Variants in GRHL1 observed in about 807,000 individuals in gnomAD.
GRHL1 encodes the protein grainyhead like transcription factor 1, also known as grainyhead-like protein 1 homolog.
In GRHL1, 38 loss-of-function variants were observed where a neutral mutation model predicts 75.7. The observed-to-expected ratio is 0.50, with a 90% confidence interval of 0.39 to 0.66. The LOEUF (loss-of-function observed/expected upper bound fraction) is 0.66. Among genes scored for constraint, GRHL1 ranks in the 30% least tolerant of loss-of-function variants. GRHL1 has a pLI of 0.00. For synonymous variants in GRHL1, 266 were observed against 279.4 expected, an observed-to-expected ratio of 0.95 and a Z score of 0.48; for missense variants, 589 against 767.5, an observed-to-expected ratio of 0.77 and a Z score of 2.75.
rs367953571 is a variant in GRHL1, at chr2:9,958,749, A to G, written c.208-37A>G. The stretch of plus-strand genomic sequence containing the variant: ...CTTTGGGTAAACTGCACTTCACTGG[A>G]TAAGAGCTAAATTCTTTTCATGTGT... On this transcript the variant is annotated intron_variant, in intron 2 of 15. Transcript: ENST00000324907. 8 of 1,528,038 alleles carry G rather than the reference A, an allele frequency of 5.2e-6. No homozygotes were observed. The African/African-American group carries it at 9.6e-5, about 18-fold the overall frequency. 94.7% of individuals were successfully genotyped at this position (1,528,038 alleles called of 1,614,324 possible). A position where few individuals can be genotyped will look rare whatever the true frequency, so the allele number is the denominator to read the frequency against.
intron 14 of GRHL1, among the ~76,000 whole-genome samples, chr2:9,998,481 C>T (rs865998263): frequency 0.013 from 43 of 3,402 alleles, no homozygotes; most frequent in East Asian, 0.067. Flanking sequence ...TATATATATA[C>T]ATATATATAC....
chr2:9,961,484 G>C, intron 4 of GRHL1, 48 bp downstream of exon 4: 1 of 1,515,414 alleles, frequency 6.6e-7, no homozygotes, highest in Non-Finnish European at 8.9e-7. Context: ...GTTTGTATAA[G>C]TATTGGGTTC....
At chr2:9,989,716 A>G (rs1668562686) in intron 9 of GRHL1, among the ~76,000 whole-genome samples, 1 of 151,712 alleles carries the variant, frequency 6.6e-6, no homozygotes. Flanking sequence ...GCCCGGCTAA[A>G]TTTTTTGTAT....
chr2:10,000,813 T>G lies in GRHL1; in HGVS notation c.*106T>G. The G allele has an allele frequency of 1.6e-6, 1 of 626,438 alleles. No homozygotes were observed. The highest frequency in any genetic ancestry group is 2.7e-5 in the Admixed American group (1 of 37,240). The allele number at this position is 626,438 out of a possible 1,614,324, so 38.8% of individuals were successfully genotyped here. Reference sequence around the variant, plus strand: ...GTCAGCCATGTCGCCAGCACAGGTCTATGTCGAGGGAATGGGTTCCTTGCA... The same window carrying G: ...GTCAGCCATGTCGCCAGCACAGGTCGATGTCGAGGGAATGGGTTCCTTGCA... On this transcript the variant is annotated 3_prime_UTR_variant, in exon 16 of 16. Transcript: ENST00000324907.
intron 8 of GRHL1, among the ~76,000 whole-genome samples, chr2:9,980,394 C>G (rs1394545263): frequency 6.7e-6 from 1 of 149,730 alleles, no homozygotes; most frequent in East Asian, 1.9e-4. Context: ...GTTTTCCTCT[C>G]ATTTTCAAAC....
chr2:9,952,411 G>A (rs1260795015), intron 1 of GRHL1, among the ~76,000 whole-genome samples: 1 of 152,168 alleles, frequency 6.6e-6, no homozygotes, highest in Non-Finnish European at 1.5e-5. Flanking sequence ...CTGGCTGGCG[G>A]CATGAGTGGG....
intron 9 of GRHL1, among the ~76,000 whole-genome samples, chr2:9,989,743 G>A (rs116525317): frequency 0.026 from 4,007 of 152,210 alleles, 175 homozygotes; most frequent in African/African-American, 0.091. Flanking sequence ...TGGAGACAGG[G>A]TTTCCCATGT....
At chr2:9,998,278 A>C (rs1032489298) in intron 14 of GRHL1, among the ~76,000 whole-genome samples, 5 of 151,508 alleles carry the variant, frequency 3.3e-5, no homozygotes, top group Non-Finnish European at 5.9e-5. Context: ...ATGTCCCGAA[A>C]GGAAGACAGC....
rs927216667 is a variant in GRHL1 at position 9,990,489 on chromosome 2, C to T, written c.1270-207C>T. Among the ~76,000 whole-genome samples, 2 of 152,060 alleles carry T rather than the reference C, an allele frequency of 1.3e-5. No individual in the cohort carries two copies. Among genetic ancestry groups the T allele is most frequent in the Non-Finnish European group, 2.9e-5 (2 of 68,004 alleles). On this transcript the variant is annotated intron_variant, in intron 9 of 15. Transcript: ENST00000324907. The surrounding 1 kb of genome is among the most constrained non-coding windows in gnomAD (Gnocchi z 4.2). ...ATTTGTTTTTCAAATAAATGTTGTTCCCTGTGATTTCATAGAATTAAAAAT... is the reference window on the plus strand; with the variant it reads ...ATTTGTTTTTCAAATAAATGTTGTTTCCTGTGATTTCATAGAATTAAAAAT...
At chr2:9,995,640 T>G (rs1279982178) in intron 12 of GRHL1, among the ~76,000 whole-genome samples, 1 of 151,460 alleles carries the variant, frequency 6.6e-6, no homozygotes, top group Non-Finnish European at 1.5e-5. Flanking sequence ...CTTTATCTGA[T>G]GAGAGTGCAG....
chr2:9,973,573 G>A (rs190764217), intron 8 of GRHL1, among the ~76,000 whole-genome samples: 199 of 152,292 alleles, frequency 1.3e-3, no homozygotes, highest in Middle Eastern at 3.4e-3. Context: ...AGAAAATGGT[G>A]ATTTCATTCT....
intron 5 of GRHL1, among the ~76,000 whole-genome samples, chr2:9,963,413 G>A (rs1363414176): frequency 3.3e-5 from 5 of 152,346 alleles, no homozygotes; most frequent in East Asian, 1.9e-4. Context: ...AACTTTAGGG[G>A]CATATATGAG....
rs922699295 is a variant in GRHL1 at position 9,987,616 on chromosome 2, C to A, written c.1269+1334C>A. ...GGAGGCAAGAAGAAAAAGTGCAGGG[C>A]CCAGAGGGATCTCTGCATGACCTGT... is the stretch of plus-strand genomic sequence containing the variant. On this transcript the variant is annotated intron_variant, in intron 9 of 15. Coordinates refer to ENST00000324907, the MANE Select transcript of GRHL1 (RefSeq NM_198182.3). This position sits in a 1 kb window ranked among gnomAD's most constrained non-coding sequence, Gnocchi z 4.2. Among the ~76,000 whole-genome samples the A allele has an allele frequency of 3.9e-5, 6 of 152,198 alleles. No individual in the cohort carries two copies. In the East Asian group the frequency reaches 1.2e-3, roughly 29 times the overall value.
At position 9,987,799 on chromosome 2, in the gene GRHL1, G is replaced by A. The variant is rs985521602; in HGVS notation, c.1269+1517G>A. Among the ~76,000 whole-genome samples, 2 of 152,188 alleles carry A rather than the reference G, an allele frequency of 1.3e-5. No individual in the cohort carries two copies. The highest frequency in any genetic ancestry group is 2.4e-5 in the African/African-American group (1 of 41,450). On this transcript the variant is annotated intron_variant, in intron 9 of 15. Transcript: ENST00000324907. The surrounding 1 kb of genome is among the most constrained non-coding windows in gnomAD (Gnocchi z 4.2). ...GCTGGCTCGAAACTGGGGAGCAACC[G>A]TGGATGAGTGGACATTCCATTGAAC... is the stretch of plus-strand genomic sequence containing the variant.
At chr2:9,965,410 T>C in intron 8 of GRHL1, 29 bp downstream of exon 8, 1 of 1,203,414 alleles carries the variant, frequency 8.3e-7, no homozygotes, top group Non-Finnish European at 1.2e-6. Context: ...GCGCCTTATG[T>C]CCAGCCATTT....
At chr2:9,982,604 C>T (rs914566377) in intron 8 of GRHL1, among the ~76,000 whole-genome samples, 13 of 152,194 alleles carry the variant, frequency 8.5e-5, no homozygotes, top group Middle Eastern at 3.2e-3. Flanking sequence ...GTTAACCTCC[C>T]GCTTCACTCT....
rs1465638 is a variant in GRHL1 at position 10,001,063 on chromosome 2, G to A, written c.*356G>A. Reference sequence around the variant, plus strand: ...TTGGGATCTCTGCCTTGTGCCTACAGTGTCGTGGGCCTGCTCGCTAGCAGA... The same window carrying A: ...TTGGGATCTCTGCCTTGTGCCTACAATGTCGTGGGCCTGCTCGCTAGCAGA... On this transcript the variant is annotated 3_prime_UTR_variant, in exon 16 of 16. Transcript: ENST00000324907. 66,142 of 162,076 alleles carry A rather than the reference G, an allele frequency of 0.41. 14,274 individuals are homozygous for A. Among genetic ancestry groups the A allele is most frequent in the African/African-American group, 0.55 (22,847 of 41,804 alleles). The allele number at this position is 162,076 out of a possible 1,614,324, so 10.0% of individuals were successfully genotyped here.
In GRHL1 at chr2:9,995,971, G is replaced by A. The variant is rs983945255; in HGVS notation, c.1591+1G>A. Reference sequence around the variant, plus strand: ...GCCCGGATAGAAGAACCAAAGAGAGGTGTGTTCGTTTCCATTTCTTAGTGG... The same window carrying A: ...GCCCGGATAGAAGAACCAAAGAGAGATGTGTTCGTTTCCATTTCTTAGTGG... On this transcript the variant is annotated splice_donor_variant, in intron 13 of 15. Coordinates refer to ENST00000324907, the MANE Select transcript of GRHL1 (RefSeq NM_198182.3). LOFTEE classifies it high-confidence loss of function. The A allele has an allele frequency of 3.2e-6, 5 of 1,574,174 alleles. No individual in the cohort carries two copies. In the African/African-American group the frequency reaches 6.7e-5, roughly 21 times the overall value.
At chr2:9,957,266 C>T (rs893557638) in intron 2 of GRHL1, among the ~76,000 whole-genome samples, 8 of 152,044 alleles carry the variant, frequency 5.3e-5, no homozygotes, top group Admixed American at 6.6e-5. Flanking sequence ...ATTAGGATTA[C>T]GGACGTGAGC....
Sources: allele counts gnomAD v4.1 joint callset (sites outside exome capture counted in the v4.1 genomes callset), GRCh38; gene constraint gnomAD v4.1.1; non-coding constraint Gnocchi (gnomAD v3.1); transcripts MANE v1.5; gene names NCBI Gene and HGNC (gene_info 2026-07-23, HGNC 2026-07-21).